The following ERBB4 variants were observed in gnomAD, a reference collection of about 807,000 sequenced individuals.
ERBB4 encodes the protein erb-b2 receptor tyrosine kinase 4.
ERBB4 carries 42 observed loss-of-function variants against 158.0 expected under a neutral mutation model. That is an observed-to-expected ratio of 0.27 (90% CI 0.21 to 0.34). The LOEUF (loss-of-function observed/expected upper bound fraction) is 0.34. Among genes scored for constraint, ERBB4 ranks in the 10% least tolerant of loss-of-function variants. ERBB4 has a pLI of 1.00. For missense variants in ERBB4, 1,333 were observed against 1,624.1 expected, an observed-to-expected ratio of 0.82 and a Z score of 3.08; for synonymous variants, 583 against 558.7, an observed-to-expected ratio of 1.04 and a Z score of -0.61.
intron 1 of ERBB4, among the ~76,000 whole-genome samples, chr2:212,404,233 T>A (rs1417903217): frequency 2.6e-5 from 4 of 151,970 alleles, no homozygotes; most frequent in Non-Finnish European, 5.9e-5. Context: ...AATGGCCAAG[T>A]CAAGACTAGA....
At chr2:211,588,423 C>A (rs1574815324) in intron 19 of ERBB4, among the ~76,000 whole-genome samples, 1 of 151,908 alleles carries the variant, frequency 6.6e-6, no homozygotes, top group East Asian at 1.9e-4. Context: ...GCTTTCAAAT[C>A]CAATTTAAAT....
At chr2:212,387,745 T>C (rs945095898) in intron 1 of ERBB4, among the ~76,000 whole-genome samples, 1 of 152,056 alleles carries the variant, frequency 6.6e-6, no homozygotes, top group Non-Finnish European at 1.5e-5. Flanking sequence ...ATCTTGAACA[T>C]TTTGAATTCA....
At chr2:211,924,626 C>G (rs1227184339) in intron 3 of ERBB4, among the ~76,000 whole-genome samples, 3 of 152,066 alleles carry the variant, frequency 2.0e-5, no homozygotes, top group Non-Finnish European at 1.5e-5. Flanking sequence ...GATAACAGAT[C>G]TCATTCTACA....
At chr2:212,267,597 C>CTTTTTTTTTTTCT (rs2085186906) in intron 1 of ERBB4, among the ~76,000 whole-genome samples, 2 of 47,616 alleles carry the variant, frequency 4.2e-5, no homozygotes, top group Admixed American at 2.0e-4. Flanking sequence ...GTTCTCATTT[C>CTTTTTTTTTTTCT]TTTTTTTTTT....
intron 3 of ERBB4, among the ~76,000 whole-genome samples, chr2:211,918,962 A>G (rs2079780203): frequency 6.6e-6 from 1 of 152,086 alleles, no homozygotes. Context: ...TCTAACTGAT[A>G]TACTAACTGC....
At chr2:211,889,495 T>C (rs962896611) in intron 3 of ERBB4, among the ~76,000 whole-genome samples, 18 of 151,564 alleles carry the variant, frequency 1.2e-4, no homozygotes, top group Admixed American at 1.2e-3. Flanking sequence ...AGAGCGCCTC[T>C]CCTCCTCCAA....
chr2:211,533,369 C>A (rs2066553788), intron 20 of ERBB4, among the ~76,000 whole-genome samples: 1 of 151,990 alleles, frequency 6.6e-6, no homozygotes, highest in African/African-American at 2.4e-5. Flanking sequence ...ACCTATTTTT[C>A]ATAGACAGTT....
chr2:211,569,692 G>A lies in ERBB4; in HGVS notation c.2302-7604C>T, dbSNP rs77196489. Among the ~76,000 whole-genome samples, 1,249 of 152,256 alleles carry A rather than the reference G, an allele frequency of 8.2e-3. 7 individuals carry two copies. Among genetic ancestry groups the A allele is most frequent in the African/African-American group, 0.027 (1,107 of 41,564 alleles). On this transcript the variant is annotated intron_variant, in intron 19 of 27. Coordinates refer to ENST00000342788, the MANE Select transcript of ERBB4 (RefSeq NM_005235.3). ...ATTCAAGGAAAAGCATGACCTAAGA[G>A]TCTGGCATATTTTGGAAGGTCTGAG...
intron 25 of ERBB4, among the ~76,000 whole-genome samples, chr2:211,416,641 A>G (rs1039601806): frequency 6.6e-6 from 1 of 152,160 alleles, no homozygotes; most frequent in Non-Finnish European, 1.5e-5. Flanking sequence ...ATCAGCTCCA[A>G]ATGACCAGAA....
intron 1 of ERBB4, among the ~76,000 whole-genome samples, chr2:212,369,979 T>C (rs767944635): frequency 2.8e-4 from 42 of 152,058 alleles, no homozygotes; most frequent in African/African-American, 4.1e-4. Flanking sequence ...AGAAAAAAAA[T>C]GAGAAATTAA....
At chr2:211,384,543 AT>A (rs2062644453) in intron 27 of ERBB4, among the ~76,000 whole-genome samples, 1 of 152,142 alleles carries the variant, frequency 6.6e-6, no homozygotes, top group African/African-American at 2.4e-5. Context: ...TTTAGTCTCT[AT>A]GGTTTGCTAT....
chr2:212,043,488 A>G (rs989209210), intron 2 of ERBB4, among the ~76,000 whole-genome samples: 4 of 152,170 alleles, frequency 2.6e-5, no homozygotes, highest in Non-Finnish European at 4.4e-5. Flanking sequence ...ATTAAAGTGC[A>G]AAAGGTATCA....
intron 3 of ERBB4, among the ~76,000 whole-genome samples, 166 bp from the exon 4 acceptor site, chr2:211,788,325 A>G (rs1249213571): frequency 6.6e-6 from 1 of 152,156 alleles, no homozygotes; most frequent in Non-Finnish European, 1.5e-5. Flanking sequence ...ATATACATTG[A>G]TTACAGGAAT....
At chr2:211,708,158 T>C (rs2073522823) in intron 9 of ERBB4, among the ~76,000 whole-genome samples, 2 of 152,142 alleles carry the variant, frequency 1.3e-5, no homozygotes, top group South Asian at 4.1e-4. Context: ...TCTATACATA[T>C]ATAACATGTC....
intron 3 of ERBB4, among the ~76,000 whole-genome samples, chr2:211,804,147 G>A (rs1413227488): frequency 5.9e-5 from 9 of 152,116 alleles, no homozygotes; most frequent in Admixed American, 5.9e-4. Flanking sequence ...ATGTCATCTG[G>A]AAGATAAAAT....
chr2:212,302,752 A>C (rs867284363), intron 1 of ERBB4, among the ~76,000 whole-genome samples: 1 of 151,692 alleles, frequency 6.6e-6, no homozygotes, highest in Middle Eastern at 3.4e-3. Context: ...CTAAGTAATT[A>C]GTGGGATTTT....
chr2:211,991,668 C>T (rs540760582), intron 2 of ERBB4, among the ~76,000 whole-genome samples: 1 of 152,128 alleles, frequency 6.6e-6, no homozygotes, highest in East Asian at 1.9e-4. Context: ...ACTTGGCCTA[C>T]CTAGGATAGA....
intron 1 of ERBB4, among the ~76,000 whole-genome samples, chr2:212,472,946 T>G (rs1159702718): frequency 6.6e-6 from 1 of 151,816 alleles, no homozygotes; most frequent in African/African-American, 2.4e-5. Flanking sequence ...GTGATTCCTA[T>G]CCCCCAAACA....
chr2:211,567,423 C>T (rs1282184940), intron 19 of ERBB4, among the ~76,000 whole-genome samples: 1 of 152,118 alleles, frequency 6.6e-6, no homozygotes, highest in Non-Finnish European at 1.5e-5. Flanking sequence ...TACAGGTAAA[C>T]TGTCATCACT....
Sources: allele counts gnomAD v4.1 joint callset (sites outside exome capture counted in the v4.1 genomes callset), GRCh38; gene constraint gnomAD v4.1.1; transcripts MANE v1.5; gene names NCBI Gene and HGNC (gene_info 2026-07-23, HGNC 2026-07-21).